Variants in PHF21B observed in about 807,000 individuals in gnomAD.
The protein encoded by PHF21B is PHD finger protein 4.
In PHF21B, 22 loss-of-function variants were observed where a neutral mutation model predicts 62.2. The ratio of observed to expected loss-of-function variants is 0.35; its 90% CI spans 0.25 to 0.51. The LOEUF (loss-of-function observed/expected upper bound fraction) is 0.51. PHF21B is among the 20% of genes least tolerant of loss of function. PHF21B has a pLI of 0.97. For missense variants in PHF21B, 701 were observed against 707.9 expected (o/e 0.99, Z 0.11); for synonymous variants, 341 against 314.7 (o/e 1.08, Z -0.88).
chr22:44,984,436 G>C (rs916928266), intron 2 of PHF21B, among the ~76,000 whole-genome samples: 1 of 152,128 alleles, frequency 6.6e-6, no homozygotes, highest in African/African-American at 2.4e-5. Flanking sequence ...AATCTTGTGG[G>C]AAGCATGTTA....
chr22:44,949,310 G>GA (rs950091010), intron 2 of PHF21B, among the ~76,000 whole-genome samples: 30 of 126,808 alleles, frequency 2.4e-4, no homozygotes, highest in African/African-American at 6.3e-4. Context: ...TCAAAAAAAA[G>GA]AAAAAAAAAA....
chr22:44,983,713 TAAATG>T (rs1464979509), intron 2 of PHF21B, among the ~76,000 whole-genome samples: 1 of 152,214 alleles, frequency 6.6e-6, no homozygotes, highest in Non-Finnish European at 1.5e-5. Context: ...CATAAAATGT[TAAATG>T]GAAACAATCT....
chr22:44,938,597 G>T (rs2071895211), intron 2 of PHF21B, among the ~76,000 whole-genome samples: 1 of 152,244 alleles, frequency 6.6e-6, no homozygotes, highest in South Asian at 2.1e-4. Flanking sequence ...CAGGGCCAAG[G>T]GGGCAGCTAG....
intron 2 of PHF21B, among the ~76,000 whole-genome samples, chr22:44,980,446 G>T (rs924707969): frequency 3.3e-5 from 5 of 152,220 alleles, no homozygotes; most frequent in Admixed American, 3.3e-4. Flanking sequence ...ACCACACAGG[G>T]CGTCCACACT....
intron 2 of PHF21B, among the ~76,000 whole-genome samples, chr22:44,959,949 C>T (rs945048724): frequency 1.1e-4 from 17 of 152,160 alleles, no homozygotes; most frequent in African/African-American, 2.4e-4. Flanking sequence ...GTCAGGGCAG[C>T]GCCTCCAGGA....
chr22:44,926,676 T>C (rs2071638616), intron 2 of PHF21B, among the ~76,000 whole-genome samples: 1 of 152,214 alleles, frequency 6.6e-6, no homozygotes, highest in South Asian at 2.1e-4. Context: ...GGTTGCCGTG[T>C]GGGCTGGGAT....
intron 2 of PHF21B, among the ~76,000 whole-genome samples, chr22:44,987,665 C>T (rs1328028245): frequency 2.6e-5 from 4 of 151,624 alleles, no homozygotes; most frequent in East Asian, 3.9e-4. Context: ...TCATTACATC[C>T]GGACCCCAGC....
At chr22:44,923,005 C>T (rs1434907895) in intron 2 of PHF21B, among the ~76,000 whole-genome samples, 2 of 151,870 alleles carry the variant, frequency 1.3e-5, no homozygotes, top group Non-Finnish European at 2.9e-5. Context: ...TTATAAGGGA[C>T]CTAGAATAGC....
Position 44,885,416 on chromosome 22 carries a change from C to T in PHF21B, c.1377+10G>A, listed in dbSNP as rs752715922. On this transcript the variant is annotated intron_variant, in intron 12 of 12. Coordinates refer to ENST00000313237, the MANE Select transcript of PHF21B (RefSeq NM_138415.5). ...GCTGAGGCCAGCCTCCCCCAGGCCC[C>T]GGGGCACACCTGCACTGCTGACGCC... 1.3e-5 allele frequency: 20 copies of T among 1,564,854 alleles called. No homozygotes were observed. Among genetic ancestry groups the T allele is most frequent in the Admixed American group, 7.5e-5 (4 of 53,432 alleles).
At chr22:44,945,771 T>G in intron 2 of PHF21B, among the ~76,000 whole-genome samples, 1 of 150,420 alleles carries the variant, frequency 6.6e-6, no homozygotes, top group African/African-American at 2.5e-5. Flanking sequence ...CAGGAAGCTG[T>G]GGGTAAGCAC....
chr22:44,892,976 G>C (rs1411765962), intron 7 of PHF21B, among the ~76,000 whole-genome samples: 1 of 152,122 alleles, frequency 6.6e-6, no homozygotes, highest in Non-Finnish European at 1.5e-5. Context: ...CGCTCCAACT[G>C]GGAGTAGGGA....
chr22:44,923,005 C>A (rs1434907895), intron 2 of PHF21B, among the ~76,000 whole-genome samples: 1 of 151,870 alleles, frequency 6.6e-6, no homozygotes, highest in Admixed American at 6.6e-5. Context: ...TTATAAGGGA[C>A]CTAGAATAGC....
intron 12 of PHF21B, among the ~76,000 whole-genome samples, chr22:44,885,024 G>A (rs2070830699): frequency 6.6e-6 from 1 of 152,256 alleles, no homozygotes; most frequent in East Asian, 1.9e-4. Context: ...GCCTGAGCAG[G>A]CGCACAGCCA....
chr22:45,009,677 C>A lies in PHF21B; in HGVS notation c.-128G>T, dbSNP rs2073389843. The A allele has an allele frequency of 5.7e-6, 5 of 872,558 alleles. No homozygotes were observed. The highest frequency in any genetic ancestry group is 8.1e-6 in the Non-Finnish European group (5 of 618,336). 54.1% of individuals were successfully genotyped at this position (872,558 alleles called of 1,614,324 possible). ...GGGCTGGGTTGGGGGGGACACGAGC[C>A]CCCTCCCCCACGGCCGAAAGGGAAG... is the stretch of plus-strand genomic sequence containing the variant. On this transcript the variant is annotated 5_prime_UTR_variant, in exon 1 of 13. Transcript: ENST00000313237. This position sits in a 1 kb window ranked among gnomAD's most constrained non-coding sequence, Gnocchi z 5.9.
At chr22:45,007,423 G>C (rs1280451464) in intron 2 of PHF21B, among the ~76,000 whole-genome samples, 4 of 146,926 alleles carry the variant, frequency 2.7e-5, no homozygotes, top group African/African-American at 1.0e-4. Flanking sequence ...GCTGGGGTGG[G>C]AGCGCGGGGG....
chr22:44,969,384 G>A (rs1224860055), intron 2 of PHF21B, among the ~76,000 whole-genome samples: 3 of 152,176 alleles, frequency 2.0e-5, no homozygotes, highest in Non-Finnish European at 2.9e-5. Context: ...AAATGGAGCC[G>A]GCCGGGCACG....
In PHF21B at chr22:44,883,321, CA is replaced by C. The variant is rs1569203274; in HGVS notation, c.1378-18del. The stretch of plus-strand genomic sequence containing the variant: ...CAGGCATTTCTGTTGGGGAGAAGGT[CA>C]GGGGAAAGGGTCTCAGTATTCGGCT... On this transcript the variant is annotated intron_variant, in intron 12 of 12. Transcript: ENST00000313237. 2 of 1,610,962 alleles carry C rather than the reference CA, an allele frequency of 1.2e-6. No individual in the cohort carries two copies. The highest frequency in any genetic ancestry group is 3.3e-5 in the Admixed American group (2 of 59,884).
In PHF21B at chr22:44,943,004, C is replaced by T. The variant is rs563678944; in HGVS notation, c.121-22514G>A. ...CCCCCAGCAGGGAGGGACCCCCCCC[C>T]CCCCATCCTCAGAAGGGCTGACCAA... On this transcript the variant is annotated intron_variant, in intron 2 of 12. Coordinates refer to ENST00000313237, the MANE Select transcript of PHF21B (RefSeq NM_138415.5). 5.1e-3 allele frequency among the ~76,000 whole-genome samples: 776 copies of T among 151,384 alleles called. 16 individuals are homozygous for T. Among genetic ancestry groups the T allele is most frequent in the African/African-American group, 0.017 (712 of 41,108 alleles).
chr22:44,941,215 T>C (rs974935656), intron 2 of PHF21B, among the ~76,000 whole-genome samples: 8 of 152,126 alleles, frequency 5.3e-5, no homozygotes, highest in Non-Finnish European at 1.5e-5. Context: ...CAGAGGAAGA[T>C]TCCCAGTCAG....
Sources: gnomAD v4.1 joint callset for allele counts (sites outside exome capture counted in the v4.1 genomes callset) on GRCh38, gnomAD v4.1.1 for gene constraint, Gnocchi (gnomAD v3.1) non-coding constraint, MANE v1.5 for transcripts, NCBI Gene and HGNC (gene_info 2026-07-23, HGNC 2026-07-21) for gene names.